The following DNAH6 variants were observed in gnomAD, a reference collection of about 807,000 sequenced individuals.
DNAH6 encodes axonemal beta dynein heavy chain 6.
DNAH6 carries 340 observed loss-of-function variants against 491.4 expected under a neutral mutation model. The ratio of observed to expected loss-of-function variants is 0.69; its 90% CI spans 0.63 to 0.76. DNAH6 has a LOEUF of 0.76. Ranked by LOEUF, DNAH6 falls within the 30% of genes least tolerant of loss-of-function variation. The pLI is 0.00. For missense variants in DNAH6, 4,443 were observed against 4,972.2 expected (o/e 0.89, Z 3.20); for synonymous variants, 1,603 against 1,686.1 (o/e 0.95, Z 1.21).
chr2:84,720,494 G>A (rs1217937885), intron 59 of DNAH6, among the ~76,000 whole-genome samples: 2 of 151,386 alleles, frequency 1.3e-5, no homozygotes, highest in Non-Finnish European at 3.0e-5. Flanking sequence ...TAGCTGGGAT[G>A]GTCTTGATCT....
intron 33 of DNAH6, among the ~76,000 whole-genome samples, chr2:84,647,640 G>A (rs1268640610): frequency 6.6e-6 from 1 of 152,192 alleles, no homozygotes; most frequent in Admixed American, 6.5e-5. Context: ...TCTGTTTAGA[G>A]AATGGTTTAC....
the DNAH6 span, among the ~76,000 whole-genome samples, chr2:84,487,820 C>A: frequency 6.6e-6 from 1 of 152,160 alleles, no homozygotes; most frequent in African/African-American, 2.4e-5. Flanking sequence ...GCACTTAAAA[C>A]CTGTTACTGA....
intron 7 of DNAH6, 144 bp from the exon 8 acceptor site, chr2:84,548,144 G>T: frequency 1.4e-6 from 1 of 733,200 alleles, no homozygotes. Flanking sequence ...TTGGATAATT[G>T]GGCTGTTTTT....
At chr2:84,542,895 A>T (rs969819592) in intron 4 of DNAH6, among the ~76,000 whole-genome samples, 13 of 152,322 alleles carry the variant, frequency 8.5e-5, no homozygotes, top group Admixed American at 4.6e-4. Context: ...ATGGTGGCTC[A>T]CGCTTTTAAT....
intron 11 of DNAH6, 98 bp downstream of exon 11, chr2:84,558,033 T>C: frequency 1.2e-6 from 1 of 809,218 alleles, no homozygotes; most frequent in Non-Finnish European, 1.8e-6. Flanking sequence ...ATGTTCTACA[T>C]GTGAAAATTG....
intron 33 of DNAH6, among the ~76,000 whole-genome samples, chr2:84,647,706 T>A (rs1281138980): frequency 6.6e-6 from 1 of 152,230 alleles, no homozygotes; most frequent in Non-Finnish European, 1.5e-5. Flanking sequence ...GCAGCACTTG[T>A]GGCTGCAGAA....
At chr2:84,612,012 G>A (rs1214550347) in intron 22 of DNAH6, among the ~76,000 whole-genome samples, 158 bp downstream of exon 22, 1 of 152,038 alleles carries the variant, frequency 6.6e-6, no homozygotes, top group Non-Finnish European at 1.5e-5. Flanking sequence ...CCTTGCATTT[G>A]ACACACTTGC....
At position 84,706,035 on chromosome 2, in the gene DNAH6, T is replaced by C. The variant is rs1378566865; in HGVS notation, c.8727+288T>C. Among the ~76,000 whole-genome samples, 5 of 152,226 alleles carry C rather than the reference T, an allele frequency of 3.3e-5. No homozygotes were observed. In the South Asian group the frequency reaches 6.2e-4, roughly 19 times the overall value. On this transcript the variant is annotated intron_variant, in intron 52 of 76. Transcript: ENST00000389394. ...ACTTTTTAGCTCAACCATCTGATGGTCTGTATTTCCGTTTGCTAAATACTT... is the reference window on the plus strand; with the variant it reads ...ACTTTTTAGCTCAACCATCTGATGGCCTGTATTTCCGTTTGCTAAATACTT...
chr2:84,546,931 C>T (rs557981685), intron 5 of DNAH6, among the ~76,000 whole-genome samples: 25 of 152,234 alleles, frequency 1.6e-4, no homozygotes, highest in African/African-American at 5.5e-4. Flanking sequence ...TCATTATGAC[C>T]GGACATTGTA....
chr2:84,799,239 C>T (rs558247695), intron 70 of DNAH6, among the ~76,000 whole-genome samples: 2 of 152,318 alleles, frequency 1.3e-5, no homozygotes, highest in South Asian at 2.1e-4. Context: ...CCACCTGCCT[C>T]GGCCTCCCAA....
intron 45 of DNAH6, among the ~76,000 whole-genome samples, chr2:84,692,417 G>GTAGATAGA (rs3029918): frequency 5.2e-4 from 75 of 144,968 alleles, no homozygotes; most frequent in East Asian, 1.4e-3. Flanking sequence ...TATAAATAAG[G>GTAGATAGA]TAGATAGATA....
intron 17 of DNAH6, among the ~76,000 whole-genome samples, chr2:84,594,618 A>T (rs2104168902): frequency 6.6e-6 from 1 of 152,328 alleles, no homozygotes; most frequent in East Asian, 1.9e-4. Flanking sequence ...ATCCTTAACA[A>T]AGGTCAACTC....
intron 4 of DNAH6, among the ~76,000 whole-genome samples, chr2:84,543,725 A>C (rs571071243): frequency 1.3e-4 from 19 of 151,512 alleles, no homozygotes; most frequent in African/African-American, 4.6e-4. Context: ...TGAAAGAGAG[A>C]TATTATGAAC....
At chr2:84,696,131 A>G (rs1266801985) in intron 46 of DNAH6, among the ~76,000 whole-genome samples, 2 of 151,908 alleles carry the variant, frequency 1.3e-5, no homozygotes, top group South Asian at 2.1e-4. Context: ...GATATTTTAC[A>G]TAATATAATT....
intron 59 of DNAH6, among the ~76,000 whole-genome samples, chr2:84,721,957 C>T (rs1410038727): frequency 6.6e-6 from 1 of 152,144 alleles, no homozygotes; most frequent in Non-Finnish European, 1.5e-5. Context: ...AAGAGAGAGA[C>T]TGAGAGACAT....
At chr2:84,535,828 A>G (rs1238517111) in intron 4 of DNAH6, among the ~76,000 whole-genome samples, 1 of 151,968 alleles carries the variant, frequency 6.6e-6, no homozygotes, top group Non-Finnish European at 1.5e-5. Flanking sequence ...CTGCTAGACA[A>G]CAGCACTATT....
Position 84,805,704 on chromosome 2 carries a change from G to T in DNAH6, c.11521G>T (p.Val3841Phe), listed in dbSNP as rs1357048923. 6.4e-7 allele frequency: 1 copy of T among 1,551,732 alleles called. No homozygotes were observed. Among genetic ancestry groups the T allele is most frequent in the Non-Finnish European group, 8.7e-7 (1 of 1,146,944 alleles). The change falls in exon 71 of 77, where the codon GTT becomes TTT. Residue 3841 changes from valine to phenylalanine, a missense_variant. Coordinates refer to ENST00000389394, the MANE Select transcript of DNAH6 (RefSeq NM_001370.2). ...CACTTTAATCAACACCATACTTGAGGTTCAGCCAAGGTCATCTACTGGTGG... is the reference window on the plus strand; with the variant it reads ...CACTTTAATCAACACCATACTTGAGTTTCAGCCAAGGTCATCTACTGGTGG... Reference protein sequence around the residue: ...TSTLINTILEVQPRSSTGGEG... With the variant: ...TSTLINTILEFQPRSSTGGEG...
intron 65 of DNAH6, among the ~76,000 whole-genome samples, chr2:84,783,668 G>C (rs1444321861): frequency 6.6e-6 from 1 of 152,212 alleles, no homozygotes; most frequent in African/African-American, 2.4e-5. Flanking sequence ...TAAGGGCCTA[G>C]TGTACCATGT....
chr2:84,476,214 C>T, the DNAH6 span, among the ~76,000 whole-genome samples: 1 of 152,306 alleles, frequency 6.6e-6, no homozygotes, highest in East Asian at 1.9e-4. Context: ...ATTCCTTTAA[C>T]AGCTTAAAAG....
Sources: allele counts gnomAD v4.1 joint callset (sites outside exome capture counted in the v4.1 genomes callset), GRCh38; gene constraint gnomAD v4.1.1; transcripts MANE v1.5; gene names NCBI Gene and HGNC (gene_info 2026-07-23, HGNC 2026-07-21).